Variants in ZNF529 observed in about 807,000 individuals in gnomAD.
ZNF529 encodes the protein zinc finger protein 529.
In ZNF529, 11 loss-of-function variants were observed where a neutral mutation model predicts 10.1. The ratio of observed to expected loss-of-function variants is 1.09; its 90% CI spans 0.69 to 1.81. The LOEUF (loss-of-function observed/expected upper bound fraction) is 1.81, where lower values mean the gene tolerates loss of function less well. ZNF529 is among the 40% of genes most tolerant of loss of function. ZNF529 has a pLI of 0.00. For missense variants in ZNF529, 624 were observed against 666.8 expected (o/e 0.94, Z 0.71); for synonymous variants, 204 against 215.7 (o/e 0.95, Z 0.47).
At chr19:36,562,562 G>A (rs1388452634) in intron 2 of ZNF529, among the ~76,000 whole-genome samples, 25 of 151,744 alleles carry the variant, frequency 1.6e-4, no homozygotes, top group Admixed American at 1.2e-3. Flanking sequence ...CTGGCCGGGC[G>A]CGGTGGCTCA....
chr19:36,545,340 C>G lies in ZNF529; in HGVS notation c.*1526G>C, dbSNP rs1262041670. The G allele has an allele frequency of 3.3e-5, 5 of 151,930 alleles. No homozygotes were observed. The highest frequency in any genetic ancestry group is 4.4e-5 in the Non-Finnish European group (3 of 68,116). The allele number at this position is 151,930 out of a possible 1,614,324, so 9.4% of individuals were successfully genotyped here. ...GTCGGGAGTTTGAGACCAGACTGAC[C>G]AACACGGAGATATCCCGTCTCTACT... On this transcript the variant is annotated 3_prime_UTR_variant, in exon 5 of 5. Transcript: ENST00000591340.
chr19:36,589,773 ATTTTG>A (rs1412353779), intron 1 of ZNF529: 2 of 152,112 alleles, frequency 1.3e-5, no homozygotes, highest in Non-Finnish European at 2.9e-5. Flanking sequence ...TAAAATTAAT[ATTTTG>A]CACAATAATG....
chr19:36,567,612 T>G (rs1385807855), intron 2 of ZNF529, among the ~76,000 whole-genome samples: 1 of 152,086 alleles, frequency 6.6e-6, no homozygotes, highest in Non-Finnish European at 1.5e-5. Flanking sequence ...TGGCTAATTT[T>G]TGTATTTTTA....
chr19:36,573,568 G>T (rs758012906), upstream of ZNF529: 61 of 458,138 alleles, frequency 1.3e-4, no homozygotes, highest in Middle Eastern at 1.3e-3. Flanking sequence ...TGGGAGGACA[G>T]AATGGGGAAC....
rs2036204902 is a variant in ZNF529, at chr19:36,573,128, AAT to A, written c.-47+10_-47+11del. On this transcript the variant is annotated intron_variant, in intron 1 of 4. Coordinates refer to ENST00000591340, the MANE Select transcript of ZNF529 (RefSeq NM_020951.5). ...CACACACCACAATGACGTCGTAAAC[AAT>A]AGCACTAACCACCATCGTCCGCAGC... The A allele has an allele frequency of 7.1e-6, 2 of 281,132 alleles. No individual in the cohort carries two copies. Among genetic ancestry groups the A allele is most frequent in the African/African-American group, 4.4e-5 (2 of 45,508 alleles). 17.4% of individuals were successfully genotyped at this position (281,132 alleles called of 1,614,324 possible).
At chr19:36,550,621 A>C (rs1389912098) in intron 4 of ZNF529, among the ~76,000 whole-genome samples, 1 of 152,254 alleles carries the variant, frequency 6.6e-6, no homozygotes, top group East Asian at 1.9e-4. Flanking sequence ...AAGTTTGTAG[A>C]GAACCATGAT....
intron 4 of ZNF529, among the ~76,000 whole-genome samples, chr19:36,552,550 C>T (rs1470390210): frequency 6.6e-6 from 1 of 152,176 alleles, no homozygotes; most frequent in Admixed American, 6.5e-5. Context: ...ACCAGATAGG[C>T]TTTGTGCTTT....
intron 2 of ZNF529, among the ~76,000 whole-genome samples, chr19:36,586,806 T>C (rs1300300341): frequency 1.3e-5 from 2 of 152,232 alleles, no homozygotes; most frequent in Non-Finnish European, 2.9e-5. Context: ...CATATTTCAA[T>C]AGTAATCCTA....
intron 2 of ZNF529, among the ~76,000 whole-genome samples, chr19:36,569,141 G>A (rs752950991): frequency 9.9e-5 from 15 of 152,158 alleles, no homozygotes; most frequent in Non-Finnish European, 1.5e-4. Context: ...TAAGACCTTA[G>A]ACTTTCACCC....
At chr19:36,574,967 G>GATTAGT (rs2067642141), upstream of ZNF529, 1 of 464,146 alleles carries the variant, frequency 2.2e-6, no homozygotes, top group African/African-American at 2.0e-5. Flanking sequence ...TGATTTGTGT[G>GATTAGT]TGTGAGATTG....
At chr19:36,600,506 A>ATC (rs1218899896) in intron 1 of ZNF529, among the ~76,000 whole-genome samples, 1 of 152,186 alleles carries the variant, frequency 6.6e-6, no homozygotes, top group African/African-American at 2.4e-5. Context: ...ATTTCTTATT[A>ATC]TCTATGTAGT....
intron 2 of ZNF529, among the ~76,000 whole-genome samples, chr19:36,563,930 C>A (rs1452888275): frequency 6.6e-6 from 1 of 152,176 alleles, no homozygotes; most frequent in East Asian, 1.9e-4. Context: ...ACACACAGAC[C>A]AATGGAATAG....
intron 2 of ZNF529, chr19:36,581,132 C>T (rs1459936667): frequency 6.6e-6 from 1 of 152,184 alleles, no homozygotes; most frequent in East Asian, 1.9e-4. Flanking sequence ...ACATTCTTTT[C>T]ATGTACCTGA....
At chr19:36,603,386 A>C (rs2036960492) in intron 1 of ZNF529, among the ~76,000 whole-genome samples, 1 of 152,208 alleles carries the variant, frequency 6.6e-6, no homozygotes, top group African/African-American at 2.4e-5. Flanking sequence ...TCATAATGTC[A>C]TCAGTAACTG....
chr19:36,580,376 T>C (rs1264667634), intron 2 of ZNF529: 1 of 152,140 alleles, frequency 6.6e-6, no homozygotes, highest in African/African-American at 2.4e-5. Context: ...TTACGTACTA[T>C]ACATAATTGC....
intron 2 of ZNF529, among the ~76,000 whole-genome samples, chr19:36,584,216 T>C (rs1490846910): frequency 6.6e-6 from 1 of 152,032 alleles, no homozygotes. Flanking sequence ...TTCAAACTGA[T>C]AGAGGAAAAG....
intron 2 of ZNF529, among the ~76,000 whole-genome samples, chr19:36,556,747 T>G (rs1234921887): frequency 6.6e-6 from 1 of 152,168 alleles, no homozygotes; most frequent in Non-Finnish European, 1.5e-5. Flanking sequence ...CTCAGAGAGA[T>G]GCACGCCATT....
intron 2 of ZNF529, chr19:36,580,503 C>T (rs537287321): frequency 1.3e-4 from 20 of 152,150 alleles, no homozygotes; most frequent in Non-Finnish European, 2.4e-4. Context: ...AATTTTTCAG[C>T]TCCATTGTAA....
At chr19:36,552,413 C>T (rs187803841) in intron 4 of ZNF529, among the ~76,000 whole-genome samples, 31 of 152,188 alleles carry the variant, frequency 2.0e-4, no homozygotes, top group Admixed American at 3.9e-4. Flanking sequence ...GGTGACAGAG[C>T]GAGACTGTCT....
Sources: allele counts gnomAD v4.1 joint callset (sites outside exome capture counted in the v4.1 genomes callset), GRCh38; gene constraint gnomAD v4.1.1; transcripts MANE v1.5; gene names NCBI Gene and HGNC (gene_info 2026-07-23, HGNC 2026-07-21).